Variants in DLGAP1 observed in about 807,000 individuals in gnomAD.
The protein encoded by DLGAP1 is disks large-associated protein 1.
In DLGAP1, 11 loss-of-function variants were observed where a neutral mutation model predicts 90.8. That is an observed-to-expected ratio of 0.12 (90% CI 0.08 to 0.20). DLGAP1 has a LOEUF of 0.20. Among genes scored for constraint, DLGAP1 ranks in the 10% least tolerant of loss-of-function variants. The pLI is 1.00. For synonymous variants in DLGAP1, 558 were observed against 540.7 expected (o/e 1.03, Z -0.44); for missense variants, 1,050 against 1,333.8 (o/e 0.79, Z 3.31).
intron 2 of DLGAP1, among the ~76,000 whole-genome samples, chr18:4,006,591 T>A (rs1341735909): frequency 1.3e-5 from 2 of 151,926 alleles, no homozygotes; most frequent in African/African-American, 4.8e-5. Flanking sequence ...TTATCAACCC[T>A]TTTGAGTTAT....
At chr18:3,512,902 CTTAACAAATATTTAAGTGCACAATATAGT>C (rs1419039717) in intron 10 of DLGAP1, among the ~76,000 whole-genome samples, 11 of 152,342 alleles carry the variant, frequency 7.2e-5, no homozygotes, top group Admixed American at 3.9e-4. Flanking sequence ...AATCTACCCT[CTTAACAAATATTTAAGTGCACAATATAGT>C]TTTGTTAATG....
intron 1 of DLGAP1, among the ~76,000 whole-genome samples, chr18:4,316,059 A>G (rs1028960064): frequency 5.9e-5 from 9 of 152,358 alleles, no homozygotes; most frequent in Middle Eastern, 3.4e-3. Context: ...TTTTTGTACA[A>G]TCTGGTTTCA....
chr18:4,452,786 T>C lies in DLGAP1; in HGVS notation c.-267+2220A>G, dbSNP rs184349991. Among the ~76,000 whole-genome samples the C allele has an allele frequency of 3.3e-5, 5 of 152,188 alleles. No individual in the cohort carries two copies. In the East Asian group the frequency reaches 9.7e-4, roughly 29 times the overall value. The stretch of plus-strand genomic sequence containing the variant: ...AATTAAAGATGCTAAACCATGAAAA[T>C]TCCCTCCTAGGGAAAACTCATATAC... On this transcript the variant is annotated intron_variant, in intron 1 of 12. Transcript: ENST00000315677.
At chr18:3,906,889 C>A (rs974401580) in intron 3 of DLGAP1, among the ~76,000 whole-genome samples, 2 of 152,128 alleles carry the variant, frequency 1.3e-5, no homozygotes, top group African/African-American at 2.4e-5. Context: ...AAAACGACAA[C>A]CACCTTGTTT....
chr18:4,263,996 T>C (rs755691078), intron 1 of DLGAP1, among the ~76,000 whole-genome samples: 3 of 152,228 alleles, frequency 2.0e-5, no homozygotes, highest in Non-Finnish European at 4.4e-5. Context: ...GCATCACATA[T>C]GAAGATATTT....
At chr18:4,395,078 T>C (rs2082412180) in intron 1 of DLGAP1, among the ~76,000 whole-genome samples, 1 of 152,236 alleles carries the variant, frequency 6.6e-6, no homozygotes, top group African/African-American at 2.4e-5. Context: ...AACTTTCCAG[T>C]TTCTGATTTT....
At chr18:4,259,103 G>C (rs9807505) in intron 1 of DLGAP1, among the ~76,000 whole-genome samples, 17,456 of 152,114 alleles carry the variant, frequency 0.11, 1,080 homozygotes, top group East Asian at 0.18. Flanking sequence ...AACCGTGCCT[G>C]GTACATAAAT....
intron 1 of DLGAP1, among the ~76,000 whole-genome samples, chr18:4,381,180 A>AT (rs2082108489): frequency 1.3e-5 from 2 of 152,210 alleles, no homozygotes; most frequent in Admixed American, 1.3e-4. Flanking sequence ...TTTGCTCCCT[A>AT]AAGCCTAGAA....
intron 5 of DLGAP1, among the ~76,000 whole-genome samples, chr18:3,769,830 A>T (rs2064433277): frequency 6.7e-6 from 1 of 150,220 alleles, no homozygotes; most frequent in Non-Finnish European, 1.5e-5. Flanking sequence ...CAGTTTTTTG[A>T]AATGTTACCA....
chr18:4,251,014 A>G (rs2145195175), intron 1 of DLGAP1, among the ~76,000 whole-genome samples: 1 of 152,322 alleles, frequency 6.6e-6, no homozygotes, highest in East Asian at 1.9e-4. Flanking sequence ...AAGAATTTAC[A>G]CAAGTGAAAT....
chr18:3,664,578 G>A (rs575916541), intron 7 of DLGAP1, among the ~76,000 whole-genome samples: 1 of 152,212 alleles, frequency 6.6e-6, no homozygotes, highest in South Asian at 2.1e-4. Context: ...CTTAGCTAAT[G>A]AGGATTTTCT....
chr18:4,198,526 C>A (rs943284729), intron 1 of DLGAP1, among the ~76,000 whole-genome samples: 1 of 152,128 alleles, frequency 6.6e-6, no homozygotes, highest in Non-Finnish European at 1.5e-5. Flanking sequence ...ACAGTTGTCA[C>A]CCTTTCTAAT....
At chr18:4,245,507 A>C (rs1037461165) in intron 1 of DLGAP1, among the ~76,000 whole-genome samples, 1 of 152,186 alleles carries the variant, frequency 6.6e-6, no homozygotes, top group Non-Finnish European at 1.5e-5. Flanking sequence ...AAACAAAACA[A>C]ACATTCCAAT....
At chr18:4,311,312 C>G (rs2080391762) in intron 1 of DLGAP1, among the ~76,000 whole-genome samples, 2 of 152,198 alleles carry the variant, frequency 1.3e-5, no homozygotes, top group African/African-American at 4.8e-5. Context: ...TCCTCATTTA[C>G]TCATCAGCCT....
At chr18:4,010,630 T>G (rs2074399222) in intron 2 of DLGAP1, among the ~76,000 whole-genome samples, 1 of 152,160 alleles carries the variant, frequency 6.6e-6, no homozygotes, top group Non-Finnish European at 1.5e-5. Context: ...ATCATACAAC[T>G]GTGTGGAATG....
Position 3,711,039 on chromosome 18 carries a change from T to C in DLGAP1, c.1591+18096A>G, listed in dbSNP as rs2061582720. ...AGGGCAAGAAGAAGGCCAGTGCGTC[T>C]GCAACAGAAGAGTCCAGAAACACGA... is the stretch of plus-strand genomic sequence containing the variant. On this transcript the variant is annotated intron_variant, in intron 7 of 12. Transcript: ENST00000315677. This position sits in a 1 kb window ranked among gnomAD's most constrained non-coding sequence, Gnocchi z 4.0. 6.6e-6 allele frequency among the ~76,000 whole-genome samples: 1 copy of C among 152,158 alleles called. No individual in the cohort carries two copies. Among genetic ancestry groups the C allele is most frequent in the African/African-American group, 2.4e-5 (1 of 41,440 alleles).
chr18:4,422,234 G>A (rs977936075), intron 1 of DLGAP1, among the ~76,000 whole-genome samples: 1 of 151,580 alleles, frequency 6.6e-6, no homozygotes, highest in African/African-American at 2.4e-5. Context: ...CGCACATGTA[G>A]TATATTTATA....
At chr18:4,358,981 C>T (rs147460274) in intron 1 of DLGAP1, among the ~76,000 whole-genome samples, 115 of 152,290 alleles carry the variant, frequency 7.6e-4, no homozygotes, top group East Asian at 4.4e-3. Flanking sequence ...AAAATGCTGG[C>T]GGGGATGAGG....
chr18:4,181,112 T>C (rs1239442012), intron 1 of DLGAP1, among the ~76,000 whole-genome samples: 2 of 152,198 alleles, frequency 1.3e-5, no homozygotes, highest in African/African-American at 4.8e-5. Context: ...ACGTCTAGGA[T>C]TTTTCACATC....
Sources: gnomAD v4.1 joint callset for allele counts (sites outside exome capture counted in the v4.1 genomes callset) on GRCh38, gnomAD v4.1.1 for gene constraint, Gnocchi (gnomAD v3.1) non-coding constraint, MANE v1.5 for transcripts, NCBI Gene and HGNC (gene_info 2026-07-23, HGNC 2026-07-21) for gene names.